GLI1: variants seen among roughly 807,000 people sequenced by gnomAD.
The protein encoded by GLI1 is transcription activator GLI1.
GLI1 carries 51 observed loss-of-function variants against 87.8 expected under a neutral mutation model. That is an observed-to-expected ratio of 0.58 (90% confidence interval 0.46 to 0.73). The LOEUF is 0.73. Ranked by LOEUF, GLI1 falls within the 30% of genes least tolerant of loss-of-function variation. The probability of loss-of-function intolerance (pLI) is 0.00; values close to 1 mark genes in which losing one functional copy is unlikely to be tolerated. For synonymous variants in GLI1, 528 were observed against 558.2 expected (o/e 0.95, Z 0.76); for missense variants, 1,292 against 1,437.2 (o/e 0.90, Z 1.63).
Position 57,467,517 on chromosome 12 carries a change from G to C in GLI1, c.1077+20G>C. 1 of 1,572,956 alleles carries C rather than the reference G, an allele frequency of 6.4e-7. No individual in the cohort carries two copies. The highest frequency in any genetic ancestry group is 8.7e-7 in the Non-Finnish European group (1 of 1,150,812). On this transcript the variant is annotated intron_variant, in intron 9 of 11. Coordinates refer to ENST00000228682, the MANE Select transcript of GLI1 (RefSeq NM_005269.3). ...AATGAGGTGAATGCCCTAACTAAGC[G>C]ACCCTCCCCTCTTGAGAAGCCACCT...
At chr12:57,468,485 C>A (rs1203026820) in intron 10 of GLI1, among the ~76,000 whole-genome samples, 1 of 151,752 alleles carries the variant, frequency 6.6e-6, no homozygotes, top group African/African-American at 2.4e-5. Context: ...CTTTCTTTCT[C>A]TCTCTCTCTC....
chr12:57,467,088 G>T (rs896010454), intron 8 of GLI1, among the ~76,000 whole-genome samples: 1 of 152,102 alleles, frequency 6.6e-6, no homozygotes, highest in Non-Finnish European at 1.5e-5. Flanking sequence ...AGAGAAATCT[G>T]CCCTGGCTTG....
rs1417024285 is a variant in GLI1 at position 57,459,923 on chromosome 12, A to AGCGGGTGAGG, written c.-305_-304insCGGGTGAGGG. Among the ~76,000 whole-genome samples the AGCGGGTGAGG allele has an allele frequency of 6.6e-6, 1 of 151,602 alleles. No individual in the cohort carries two copies. Among genetic ancestry groups the AGCGGGTGAGG allele is most frequent in the Non-Finnish European group, 1.5e-5 (1 of 67,898 alleles). On this transcript the variant is annotated 5_prime_UTR_variant, in exon 1 of 12. Transcript: ENST00000228682. ...GGCAAGAGGGAGGGAAATAGAAGGG[A>AGCGGGTGAGG]GGTGAGGGGCGAGCGGGAAGAGCGG...
intron 8 of GLI1, among the ~76,000 whole-genome samples, chr12:57,467,100 T>C (rs1266855626): frequency 2.0e-5 from 3 of 152,046 alleles, no homozygotes; most frequent in Non-Finnish European, 4.4e-5. Context: ...CCTGGCTTGG[T>C]CAGAAGATGC....
At position 57,464,385 on chromosome 12, in the gene GLI1, G is replaced by A. The variant is rs138937117; in HGVS notation, c.194-288G>A. 3.7e-3 allele frequency among the ~76,000 whole-genome samples: 565 copies of A among 152,286 alleles called. 3 individuals are homozygous for A. Among genetic ancestry groups the A allele is most frequent in the African/African-American group, 0.013 (541 of 41,552 alleles). On this transcript the variant is annotated intron_variant, in intron 3 of 11. Coordinates refer to ENST00000228682, the MANE Select transcript of GLI1 (RefSeq NM_005269.3). ...AACAATACAAAAATTAGCCGGGCGT[G>A]GTGGCTTGCACCTGTAGTGCCGATT...
rs540627792 is a variant in GLI1 at position 57,467,008 on chromosome 12, C to A, written c.913-325C>A. 1.9e-3 allele frequency among the ~76,000 whole-genome samples: 296 copies of A among 152,260 alleles called. 2 individuals are homozygous for A. The highest frequency in any genetic ancestry group is 5.1e-3 in the Admixed American group (78 of 15,292). On this transcript the variant is annotated intron_variant, in intron 8 of 11. Coordinates refer to ENST00000228682, the MANE Select transcript of GLI1 (RefSeq NM_005269.3). ...CCTACTACTCTGCCTAATGGATAAA[C>A]CCTGCATCAAGGACAACAGCCCGTT...
intron 10 of GLI1, among the ~76,000 whole-genome samples, chr12:57,468,774 A>G (rs2139861147): frequency 6.8e-6 from 1 of 147,002 alleles, no homozygotes; most frequent in African/African-American, 2.5e-5. Flanking sequence ...TTTTTTTTTC[A>G]GACGGAGTCT....
Position 57,471,348 on chromosome 12 carries a change from C to T in GLI1, c.2608C>T (p.Pro870Ser), listed in dbSNP as rs564746380. ...LQSGPYTQPP[P>S]DYLPSEPRPC... ...GTCAGGCCCCTATACCCAGCCACCC[C>T]CTGATTATCTTCCTTCAGAACCCAG... The change falls in exon 12 of 12, where the codon CCT becomes TCT. Residue 870 changes from proline (P) to serine (S), a missense_variant. Transcript: ENST00000228682. This position sits in a 1 kb window ranked among gnomAD's most constrained non-coding sequence, Gnocchi z 4.9. 5.7e-6 allele frequency: 9 copies of T among 1,587,444 alleles called. No individual in the cohort carries two copies. The highest frequency in any genetic ancestry group is 7.7e-6 in the Non-Finnish European group (9 of 1,166,160).
In GLI1 at chr12:57,471,289, A is replaced by G; in HGVS notation, c.2549A>G (p.His850Arg). 6.3e-7 allele frequency: 1 copy of G among 1,580,652 alleles called. No individual in the cohort carries two copies. The highest frequency in any genetic ancestry group is 1.2e-5 in the South Asian group (1 of 85,648). ...GPPHPQPLFS[H>R]YPQPSPPQYL... is the part of the protein sequence containing the mutation. ...CCACATCCACAGCCTCTCTTTTCCC[A>G]TTACCCCCAGCCCTCTCCTCCCCAA... Residue 850 changes from histidine to arginine, a missense_variant, in exon 12 of 12, where the codon CAT (histidine) becomes CGT (arginine). Physicochemically the swap from His to Arg is conservative, Grantham distance 29 (BLOSUM62 0). Around this residue, in one of 3 missense-constraint regions of GLI1, gnomAD observed 897 missense variants for 1,040.7 expected, o/e 0.86. Transcript: ENST00000228682. The surrounding 1 kb of genome is among the most constrained non-coding windows in gnomAD (Gnocchi z 4.9).
intron 1 of GLI1, among the ~76,000 whole-genome samples, chr12:57,462,908 G>A (rs757372901): frequency 2.0e-5 from 3 of 152,186 alleles, no homozygotes; most frequent in Non-Finnish European, 2.9e-5. Context: ...AAGGGGGAAC[G>A]GGCTCTAGCA....
intron 1 of GLI1, among the ~76,000 whole-genome samples, chr12:57,462,509 A>G (rs1021024447): frequency 7.3e-6 from 1 of 137,826 alleles, no homozygotes; most frequent in Admixed American, 7.4e-5. Flanking sequence ...GGATGGAGTC[A>G]AAACTGGAGT....
Position 57,471,019 on chromosome 12 carries a change from A to G in GLI1, c.2279A>G (p.Asn760Ser), listed in dbSNP as rs1871878910. 4 of 1,610,286 alleles carry G rather than the reference A, an allele frequency of 2.5e-6. No homozygotes were observed. The highest frequency in any genetic ancestry group is 1.3e-5 in the African/African-American group (1 of 74,822). Residue 760 changes from asparagine to serine, a missense_variant, in exon 12 of 12, where the codon AAC (asparagine) becomes AGC (serine). This residue lies in a region of GLI1 where 897 missense variants were observed against 1,040.7 expected (regional missense o/e 0.86). Coordinates refer to ENST00000228682, the MANE Select transcript of GLI1 (RefSeq NM_005269.3). The surrounding 1 kb of genome is among the most constrained non-coding windows in gnomAD (Gnocchi z 4.9). ...SLPLGPGPPT[N>S]YGPNPCPQQA... Reference sequence around the variant, plus strand: ...CCTCTTGGGCCTGGTCCACCCACCAACTATGGCCCCAACCCCTGTCCCCAG... The same window carrying G: ...CCTCTTGGGCCTGGTCCACCCACCAGCTATGGCCCCAACCCCTGTCCCCAG...
In GLI1 at chr12:57,459,938, G is replaced by T. The variant is rs1157926469; in HGVS notation, c.-291G>T. ...AATAGAAGGGAGGTGAGGGGCGAGCGGGAAGAGCGGCGGCGCGCCAGCGGC... is the reference window on the plus strand; with the variant it reads ...AATAGAAGGGAGGTGAGGGGCGAGCTGGAAGAGCGGCGGCGCGCCAGCGGC... On this transcript the variant is annotated 5_prime_UTR_variant, in exon 1 of 12. Coordinates refer to ENST00000228682, the MANE Select transcript of GLI1 (RefSeq NM_005269.3). Among the ~76,000 whole-genome samples, 2 of 152,130 alleles carry T rather than the reference G, an allele frequency of 1.3e-5. No individual in the cohort carries two copies. Among genetic ancestry groups the T allele is most frequent in the African/African-American group, 4.8e-5 (2 of 41,422 alleles).
In GLI1 at chr12:57,466,257, C is replaced by T. The variant is rs2139855842; in HGVS notation, c.780C>T (p.His260=). Residue 260 remains histidine, a synonymous_variant, in exon 8 of 12, where the codon CAC becomes CAT. Transcript: ENST00000228682. ...EQLVHHINSE[H]IHGERKEFVC... The stretch of plus-strand genomic sequence containing the variant: ...TCCCTCAGCACATCAACAGCGAGCA[C>T]ATCCACGGGGAGCGGAAGGAGTTCG... 6.2e-7 allele frequency: 1 copy of T among 1,613,526 alleles called. No homozygotes were observed. Among genetic ancestry groups the T allele is most frequent in the Non-Finnish European group, 8.5e-7 (1 of 1,179,652 alleles).
At chr12:57,461,887 A>T (rs191294565) in intron 1 of GLI1, among the ~76,000 whole-genome samples, 226 of 152,222 alleles carry the variant, frequency 1.5e-3, no homozygotes, top group African/African-American at 5.2e-3. Flanking sequence ...CGGCAGGGGA[A>T]CCCTAGAGCT....
At chr12:57,464,576 C>G in intron 3 of GLI1, 97 bp from the exon 4 acceptor site, 1 of 732,526 alleles carries the variant, frequency 1.4e-6, no homozygotes, top group Non-Finnish European at 2.3e-6. Flanking sequence ...AAAGCAGAAT[C>G]AAGTATCATT....
At chr12:57,469,799 G>T in intron 11 of GLI1, 101 bp downstream of exon 11, 1 of 1,022,670 alleles carries the variant, frequency 9.8e-7, no homozygotes. Flanking sequence ...CAGCACTTTT[G>T]TATAATTAGA....
At position 57,463,733 on chromosome 12, in the gene GLI1, C is replaced by G. The variant is rs375023995; in HGVS notation, c.42C>G (p.Gly14=). Residue 14 remains glycine, a synonymous_variant, in exon 2 of 12, where the codon GGC becomes GGG. Coordinates refer to ENST00000228682, the MANE Select transcript of GLI1 (RefSeq NM_005269.3). ...CCCCACCACCAATCAGTAGCTATGG[C>G]GAGCCCTGCTGTCTCCGGCCCCTCC... The part of the protein sequence containing the change: ...SMTPPPISSY[G]EPCCLRPLPS... The G allele has an allele frequency of 1.2e-6, 2 of 1,612,136 alleles. No homozygotes were observed. Among genetic ancestry groups the G allele is most frequent in the South Asian group, 1.1e-5 (1 of 91,080 alleles).
chr12:57,462,142 T>TCCTTC (rs889297052), intron 1 of GLI1, among the ~76,000 whole-genome samples: 3 of 152,034 alleles, frequency 2.0e-5, no homozygotes, highest in Non-Finnish European at 4.4e-5. Context: ...CAAACTTCCC[T>TCCTTC]CCTTCCCCTG....
Sources: allele counts gnomAD v4.1 joint callset (sites outside exome capture counted in the v4.1 genomes callset), GRCh38; gene constraint gnomAD v4.1.1; regional missense constraint gnomAD v4.1.1; non-coding constraint Gnocchi (gnomAD v3.1); transcripts MANE v1.5; gene names NCBI Gene and HGNC (gene_info 2026-07-23, HGNC 2026-07-21).